The following SCFD2 variants were observed in gnomAD, a reference collection of about 807,000 sequenced individuals.
The protein encoded by SCFD2 is sec1 family domain-containing protein 2.
SCFD2 carries 54 observed loss-of-function variants against 58.9 expected under a neutral mutation model. The observed-to-expected ratio is 0.92, with a 90% confidence interval of 0.74 to 1.15. The LOEUF (loss-of-function observed/expected upper bound fraction) is 1.15, where lower values mean the gene tolerates loss of function less well. Ranked by LOEUF, SCFD2 falls within the 50% of genes most tolerant of loss-of-function variation. SCFD2 has a pLI of 0.00. For synonymous variants in SCFD2, 321 were observed against 335.9 expected (o/e 0.96, Z 0.49); for missense variants, 805 against 836.6 (o/e 0.96, Z 0.47).
intron 8 of SCFD2, among the ~76,000 whole-genome samples, chr4:52,880,936 A>T (rs1718595038): frequency 6.6e-6 from 1 of 152,226 alleles, no homozygotes; most frequent in Non-Finnish European, 1.5e-5. Flanking sequence ...GTGAGGAGAG[A>T]GGCTGGTGTT....
chr4:53,144,897 G>A lies in SCFD2; in HGVS notation c.1561+436C>T, dbSNP rs554449126. Among the ~76,000 whole-genome samples, 71 of 152,232 alleles carry A rather than the reference G, an allele frequency of 4.7e-4. 1 individual carries two copies. The highest frequency in any genetic ancestry group is 1.6e-3 in the African/African-American group (65 of 41,532). On this transcript the variant is annotated intron_variant, in intron 5 of 8. Coordinates refer to ENST00000401642, the MANE Select transcript of SCFD2 (RefSeq NM_152540.4). ...AACCCTGGGCTGCAGACAGGTACCC[G>A]TCCATGGCCTGTTAGGAACCGGGCA... is the stretch of plus-strand genomic sequence containing the variant.
At position 52,984,021 on chromosome 4, in the gene SCFD2, G is replaced by A. The variant is rs143903157; in HGVS notation, c.1562-63151C>T. The stretch of plus-strand genomic sequence containing the variant: ...ACATAGTTTTTGACTGAGTAAATAG[G>A]GTTATTAGTTTACCACTTCTCTGCA... On this transcript the variant is annotated intron_variant, in intron 5 of 8. Coordinates refer to ENST00000401642, the MANE Select transcript of SCFD2 (RefSeq NM_152540.4). Among the ~76,000 whole-genome samples the A allele has an allele frequency of 3.8e-3, 579 of 152,216 alleles. 4 individuals are homozygous for A. Among genetic ancestry groups the A allele is most frequent in the Middle Eastern group, 0.01 (3 of 294 alleles).
At chr4:53,078,886 C>G (rs1577709736) in intron 5 of SCFD2, among the ~76,000 whole-genome samples, 1 of 152,118 alleles carries the variant, frequency 6.6e-6, no homozygotes, top group South Asian at 2.1e-4. Context: ...GGAACAAAAC[C>G]AACAGTCCAT....
At chr4:53,044,722 A>C (rs1216663214) in intron 5 of SCFD2, among the ~76,000 whole-genome samples, 8 of 151,800 alleles carry the variant, frequency 5.3e-5, no homozygotes, top group Non-Finnish European at 1.0e-4. Flanking sequence ...AGCCTTTAAA[A>C]AAAATCATAT....
chr4:52,921,139 T>C (rs917269161), intron 5 of SCFD2, among the ~76,000 whole-genome samples: 2 of 152,182 alleles, frequency 1.3e-5, no homozygotes, highest in African/African-American at 4.8e-5. Flanking sequence ...CTTCCATCCC[T>C]AGACTGCAGA....
intron 7 of SCFD2, among the ~76,000 whole-genome samples, chr4:52,895,234 A>G (rs1468080482): frequency 6.6e-6 from 1 of 152,040 alleles, no homozygotes; most frequent in Non-Finnish European, 1.5e-5. Context: ...GGTTTGTTAC[A>G]TAAGTATACG....
Position 53,274,780 on chromosome 4 carries a change from CT to C in SCFD2, c.1136-780del, listed in dbSNP as rs201725428. 8.6e-3 allele frequency among the ~76,000 whole-genome samples: 1,305 copies of C among 152,306 alleles called. 13 individuals are homozygous for C. The highest frequency in any genetic ancestry group is 0.048 in the Middle Eastern group (14 of 294). On this transcript the variant is annotated intron_variant, in intron 3 of 8. Transcript: ENST00000401642. ...ACCGAGTCTCCTCCCACTCTCCAGTCTGTAAAATTTCATTCCTGCCATTCCT... is the reference window on the plus strand; with the variant it reads ...ACCGAGTCTCCTCCCACTCTCCAGTCGTAAAATTTCATTCCTGCCATTCCT...
At chr4:53,100,564 G>A (rs1196120375) in intron 5 of SCFD2, among the ~76,000 whole-genome samples, 1 of 152,130 alleles carries the variant, frequency 6.6e-6, no homozygotes, top group Non-Finnish European at 1.5e-5. Context: ...AAGGTCATTA[G>A]TTCTATATTA....
intron 8 of SCFD2, among the ~76,000 whole-genome samples, chr4:52,877,457 G>A (rs1249285687): frequency 2.6e-5 from 4 of 152,136 alleles, no homozygotes; most frequent in Non-Finnish European, 5.9e-5. Context: ...TCCAGTCTGC[G>A]CTGGACCCTG....
At chr4:53,128,980 G>A (rs1725710814) in intron 5 of SCFD2, among the ~76,000 whole-genome samples, 1 of 152,166 alleles carries the variant, frequency 6.6e-6, no homozygotes, top group Admixed American at 6.5e-5. Context: ...GAACAGTACA[G>A]ATTTGTTTTT....
chr4:53,346,945 T>A (rs778204601), intron 2 of SCFD2, among the ~76,000 whole-genome samples: 4 of 152,198 alleles, frequency 2.6e-5, no homozygotes, highest in Admixed American at 6.5e-5. Context: ...AACTTTCACA[T>A]GATTGAAAAT....
At chr4:53,215,430 T>A (rs1263222859) in intron 4 of SCFD2, among the ~76,000 whole-genome samples, 2 of 152,126 alleles carry the variant, frequency 1.3e-5, no homozygotes, top group Non-Finnish European at 2.9e-5. Context: ...GAATGGGAGT[T>A]CACTCATGAT....
At chr4:53,159,510 G>A (rs543873934) in intron 4 of SCFD2, among the ~76,000 whole-genome samples, 8 of 152,294 alleles carry the variant, frequency 5.3e-5, no homozygotes, top group African/African-American at 1.7e-4. Context: ...AATAGTTAAG[G>A]GACCCAGCTT....
intron 4 of SCFD2, among the ~76,000 whole-genome samples, chr4:53,272,955 T>C (rs1309806956): frequency 6.6e-6 from 1 of 152,192 alleles, no homozygotes; most frequent in Non-Finnish European, 1.5e-5. Flanking sequence ...ATAAATGCTC[T>C]ATATTATTTA....
rs1433222426 is a variant in SCFD2, at chr4:53,273,901, G to GGGT, written c.1235_1236insACC (p.Ala412_Thr413insPro). ...GTGGGTGTTTCAACGTTTGAGCTGTGGCCAGTCCAAGCTGGAGGAGGCCAC... is the reference window on the plus strand; with the variant it reads ...GTGGGTGTTTCAACGTTTGAGCTGTGGGTGCCAGTCCAAGCTGGAGGAGGCCAC... On this transcript the variant is annotated inframe_insertion, in exon 4 of 9. Transcript: ENST00000401642. 10 of 1,613,868 alleles carry GGGT rather than the reference G, an allele frequency of 6.2e-6. No individual in the cohort carries two copies. The South Asian group carries it at 1.1e-4, about 18-fold the overall frequency.
At chr4:52,903,705 T>G (rs1719278637) in intron 7 of SCFD2, among the ~76,000 whole-genome samples, 1 of 152,224 alleles carries the variant, frequency 6.6e-6, no homozygotes, top group South Asian at 2.1e-4. Context: ...TGCGTGTGTA[T>G]CTATGTGCAA....
intron 3 of SCFD2, among the ~76,000 whole-genome samples, chr4:53,297,884 T>C (rs1224282749): frequency 2.6e-5 from 4 of 152,228 alleles, no homozygotes; most frequent in Non-Finnish European, 4.4e-5. Context: ...TGTTTGTCTG[T>C]AAAGAATTTT....
chr4:52,884,837 T>A (rs1027624428), intron 8 of SCFD2, among the ~76,000 whole-genome samples: 6 of 152,166 alleles, frequency 3.9e-5, no homozygotes, highest in Non-Finnish European at 8.8e-5. Context: ...GTGTGGTGAC[T>A]GCTCAAAAAC....
At chr4:53,275,911 T>G (rs1277971693) in intron 3 of SCFD2, among the ~76,000 whole-genome samples, 1 of 152,178 alleles carries the variant, frequency 6.6e-6, no homozygotes, top group Non-Finnish European at 1.5e-5. Context: ...GTATCATAGT[T>G]TATTTAGCCA....
Sources: gnomAD v4.1 joint callset for allele counts (sites outside exome capture counted in the v4.1 genomes callset) on GRCh38, gnomAD v4.1.1 for gene constraint, MANE v1.5 for transcripts, NCBI Gene and HGNC (gene_info 2026-07-23, HGNC 2026-07-21) for gene names.